Variants in SYCP1 observed in about 807,000 individuals in gnomAD.
The protein encoded by SYCP1 is cancer/testis antigen 8.
A neutral mutation model predicts 153.1 loss-of-function variants in SYCP1; 64 were observed. The observed-to-expected ratio is 0.42, with a 90% confidence interval of 0.34 to 0.51. The LOEUF (loss-of-function observed/expected upper bound fraction) is 0.51. SYCP1 is among the 20% of genes least tolerant of loss of function. The probability of loss-of-function intolerance (pLI) is 0.06; values close to 1 mark genes in which losing one functional copy is unlikely to be tolerated. For synonymous variants in SYCP1, 384 were observed against 341.8 expected (o/e 1.12, Z -1.36); for missense variants, 997 against 1,049.0 (o/e 0.95, Z 0.68).
intron 27 of SYCP1, among the ~76,000 whole-genome samples, chr1:114,950,715 A>G (rs1671042163): frequency 6.6e-6 from 1 of 152,136 alleles, no homozygotes; most frequent in Non-Finnish European, 1.5e-5. Flanking sequence ...ATGAATGTAC[A>G]TGAGGACATA....
chr1:114,859,686 C>T lies in SYCP1; in HGVS notation c.457-57C>T, dbSNP rs546134554. The T allele has an allele frequency of 6.4e-5, 57 of 884,004 alleles. 1 individual carries two copies. The highest frequency in any genetic ancestry group is 3.1e-4 in the South Asian group (16 of 51,762). The allele number at this position is 884,004 out of a possible 1,614,324, so 54.8% of individuals were successfully genotyped here. ...AGAAATACTGCTTAATGATTATATT[C>T]GTGTTTATTTTTGCTAATAAGCAAA... On this transcript the variant is annotated intron_variant, in intron 6 of 31. Coordinates refer to ENST00000369522, the MANE Select transcript of SYCP1 (RefSeq NM_003176.4).
intron 30 of SYCP1, among the ~76,000 whole-genome samples, chr1:114,985,708 A>G (rs1201822769): frequency 3.3e-5 from 5 of 151,912 alleles, no homozygotes. Flanking sequence ...TAGAGTCCCT[A>G]CTTCAGAACC....
chr1:114,956,163 G>T (rs1293757598), intron 27 of SYCP1, among the ~76,000 whole-genome samples: 2 of 152,116 alleles, frequency 1.3e-5, no homozygotes, highest in Admixed American at 1.3e-4. Context: ...CTGTCTCTGA[G>T]ATCTATCTTG....
chr1:114,941,985 A>G (rs1343065381), intron 23 of SYCP1, among the ~76,000 whole-genome samples: 1 of 152,076 alleles, frequency 6.6e-6, no homozygotes, highest in African/African-American at 2.4e-5. Context: ...CATTTTGGAA[A>G]AGGAATACTC....
chr1:114,895,596 A>T (rs1667007480), intron 16 of SYCP1, 87 bp downstream of exon 16: 2 of 647,826 alleles, frequency 3.1e-6, no homozygotes, highest in Non-Finnish European at 4.7e-6. Context: ...CACACTATAG[A>T]TGTTTTATAC....
chr1:114,893,692 T>C (rs1350739151), intron 15 of SYCP1, among the ~76,000 whole-genome samples: 2 of 152,224 alleles, frequency 1.3e-5, no homozygotes, highest in African/African-American at 4.8e-5. Flanking sequence ...TCTCTAAGTA[T>C]AAGTATTCTT....
chr1:114,986,473 A>C (rs1470314858), intron 30 of SYCP1, among the ~76,000 whole-genome samples: 1 of 152,016 alleles, frequency 6.6e-6, no homozygotes, highest in Non-Finnish European at 1.5e-5. Flanking sequence ...AACATGATTC[A>C]TTTCATTTCT....
intron 27 of SYCP1, among the ~76,000 whole-genome samples, chr1:114,966,711 G>A (rs1672153505): frequency 6.7e-6 from 1 of 148,254 alleles, no homozygotes; most frequent in Non-Finnish European, 1.5e-5. Context: ...TTTAGATGGA[G>A]TCTCGCTCTG....
chr1:114,958,278 G>A (rs569855835), intron 27 of SYCP1, among the ~76,000 whole-genome samples: 4 of 152,160 alleles, frequency 2.6e-5, no homozygotes, highest in Non-Finnish European at 5.9e-5. Context: ...GGTTACTGGA[G>A]GCTGGGAAGG....
intron 27 of SYCP1, among the ~76,000 whole-genome samples, chr1:114,975,115 T>A (rs1044735837): frequency 6.6e-6 from 1 of 151,860 alleles, no homozygotes; most frequent in Non-Finnish European, 1.5e-5. Context: ...TGTTGGACAT[T>A]GTATATCTTC....
chr1:114,984,108 A>G (rs915360911), intron 29 of SYCP1, among the ~76,000 whole-genome samples: 3 of 151,780 alleles, frequency 2.0e-5, no homozygotes, highest in Non-Finnish European at 4.4e-5. Flanking sequence ...GGGTCTTGCT[A>G]TGTTGCTCAG....
At chr1:114,922,876 C>A (rs913212647) in intron 20 of SYCP1, among the ~76,000 whole-genome samples, 1 of 152,164 alleles carries the variant, frequency 6.6e-6, no homozygotes, top group African/African-American at 2.4e-5. Context: ...TTAATTACTT[C>A]CAAGATACAA....
At chr1:114,974,457 A>G (rs780645348) in intron 27 of SYCP1, among the ~76,000 whole-genome samples, 3 of 151,870 alleles carry the variant, frequency 2.0e-5, no homozygotes, top group Admixed American at 6.6e-5. Context: ...GTAGTTTTCC[A>G]TCTTGTAAAA....
intron 30 of SYCP1, among the ~76,000 whole-genome samples, chr1:114,989,799 A>C (rs1387062755): frequency 1.3e-5 from 2 of 152,000 alleles, no homozygotes; most frequent in Non-Finnish European, 1.5e-5. Context: ...TATAGCAAGA[A>C]GATATGACAA....
Position 114,926,555 on chromosome 1 carries a change from G to A in SYCP1, c.1918G>A (p.Glu640Lys), listed in dbSNP as rs756169485. 1.5e-4 allele frequency: 232 copies of A among 1,586,078 alleles called. No homozygotes were observed. In the Middle Eastern group the frequency reaches 1.9e-3, roughly 13 times the overall value. Residue 640 changes from glutamate (E) to lysine (K), a missense_variant, in exon 23 of 32, where the codon GAG becomes AAG. Physicochemically the swap from Glu to Lys is moderately conservative, Grantham distance 56 (BLOSUM62 1). Transcript: ENST00000369522. ...AGAAAGCAAGCAACTGAATGTTTAT[G>A]AGATAAAGGTATTTGGCATCTTTAT... ...TAESKQLNVY[E>K]IKVNKLELEL...
intron 20 of SYCP1, among the ~76,000 whole-genome samples, chr1:114,922,383 T>C (rs913689402): frequency 1.9e-4 from 29 of 152,082 alleles, no homozygotes; most frequent in African/African-American, 6.8e-4. Context: ...GGTTAATTGG[T>C]TCATAGTTCC....
At chr1:114,938,579 T>C (rs1276128986) in intron 23 of SYCP1, among the ~76,000 whole-genome samples, 1 of 151,716 alleles carries the variant, frequency 6.6e-6, no homozygotes. Flanking sequence ...AATAAATAAG[T>C]AAATACATAA....
chr1:114,944,609 T>C (rs971536182), intron 24 of SYCP1, among the ~76,000 whole-genome samples, 154 bp downstream of exon 24: 1 of 151,870 alleles, frequency 6.6e-6, no homozygotes, highest in Non-Finnish European at 1.5e-5. Flanking sequence ...TCAGTTTTTA[T>C]AGAAACTAAA....
rs890130522 is a variant in SYCP1, at chr1:114,887,654, A to G, written c.1219A>G (p.Ile407Val). 2 of 1,571,822 alleles carry G rather than the reference A, an allele frequency of 1.3e-6. No homozygotes were observed. Among genetic ancestry groups the G allele is most frequent in the Admixed American group, 3.5e-5 (2 of 56,442 alleles). Residue 407 changes from isoleucine (I) to valine (V), a missense_variant, in exon 15 of 32, where the codon ATA (isoleucine) becomes GTA (valine). Coordinates refer to ENST00000369522, the MANE Select transcript of SYCP1 (RefSeq NM_003176.4). The part of the protein sequence containing the change: ...RLEKNEDQLK[I>V]LTMELQKKSS... ...GGAAAAAAATGAAGATCAATTGAAA[A>G]TACTTACCATGGAGCTTCAAAAGAA... is the stretch of plus-strand genomic sequence containing the variant.
Sources: gnomAD v4.1 joint callset for allele counts (sites outside exome capture counted in the v4.1 genomes callset) on GRCh38, gnomAD v4.1.1 for gene constraint, MANE v1.5 for transcripts, NCBI Gene and HGNC (gene_info 2026-07-23, HGNC 2026-07-21) for gene names.